ATP8B4: variants seen among roughly 807,000 people sequenced by gnomAD.
The protein encoded by ATP8B4 is ATPase phospholipid transporting 8B4 (putative).
ATP8B4 carries 133 observed loss-of-function variants against 145.6 expected under a neutral mutation model. The observed-to-expected ratio is 0.91, with a 90% confidence interval of 0.79 to 1.05. The LOEUF (loss-of-function observed/expected upper bound fraction) is 1.05. Ranked by LOEUF, ATP8B4 falls within the 50% of genes least tolerant of loss-of-function variation. ATP8B4 has a pLI of 0.00. For missense variants in ATP8B4, 1,458 were observed against 1,425.2 expected (o/e 1.02, Z -0.37); for synonymous variants, 507 against 492.9 (o/e 1.03, Z -0.38).
At chr15:50,158,953 G>A (rs910564262) in intron 1 of ATP8B4, among the ~76,000 whole-genome samples, 3 of 152,182 alleles carry the variant, frequency 2.0e-5, no homozygotes, top group East Asian at 3.9e-4. Flanking sequence ...AAGTACCCAA[G>A]GACACAAACA....
At chr15:50,015,708 G>A (rs1014004922) in intron 6 of ATP8B4, among the ~76,000 whole-genome samples, 2 of 152,196 alleles carry the variant, frequency 1.3e-5, no homozygotes, top group Non-Finnish European at 2.9e-5. Flanking sequence ...TCAGAGCTGC[G>A]CTAGAGGAAA....
At chr15:49,995,200 A>C (rs988557420) in intron 9 of ATP8B4, among the ~76,000 whole-genome samples, 1 of 152,182 alleles carries the variant, frequency 6.6e-6, no homozygotes, top group African/African-American at 2.4e-5. Context: ...AACACTAAAA[A>C]TCATGAATTT....
chr15:49,919,509 C>T (rs1222772359), intron 18 of ATP8B4, among the ~76,000 whole-genome samples: 1 of 152,138 alleles, frequency 6.6e-6, no homozygotes, highest in African/African-American at 2.4e-5. Flanking sequence ...GCTCCGCCTC[C>T]CGGGTTCACA....
chr15:49,955,346 A>G (rs2043464768), intron 14 of ATP8B4, among the ~76,000 whole-genome samples: 1 of 152,208 alleles, frequency 6.6e-6, no homozygotes, highest in Non-Finnish European at 1.5e-5. Context: ...AAGAAAACAA[A>G]CAAACAAAAA....
chr15:50,046,990 A>T (rs2051773896), intron 4 of ATP8B4, among the ~76,000 whole-genome samples: 1 of 152,230 alleles, frequency 6.6e-6, no homozygotes, highest in African/African-American at 2.4e-5. Context: ...CAACCTACTC[A>T]GTCTTAGTCA....
intron 1 of ATP8B4, among the ~76,000 whole-genome samples, chr15:50,172,340 C>A (rs1248351733): frequency 6.6e-6 from 1 of 152,272 alleles, no homozygotes; most frequent in East Asian, 1.9e-4. Context: ...GACGGGGTTT[C>A]CCCCTCTTGG....
At chr15:50,062,285 T>A (rs571579259) in intron 3 of ATP8B4, among the ~76,000 whole-genome samples, 6 of 152,200 alleles carry the variant, frequency 3.9e-5, no homozygotes, top group African/African-American at 1.2e-4. Context: ...TCTAGTGAGA[T>A]CTTGTCATTT....
intron 3 of ATP8B4, among the ~76,000 whole-genome samples, chr15:50,060,943 T>G (rs566989911): frequency 3.3e-5 from 5 of 152,232 alleles, no homozygotes; most frequent in African/African-American, 1.2e-4. Context: ...TGCATGCAGC[T>G]TTTTCAAAAG....
At position 50,092,677 on chromosome 15, in the gene ATP8B4, G is replaced by C. The variant is rs538736457; in HGVS notation, c.28+14262C>G. ...AAAATATGAAAACTGCATATGGAAA[G>C]ATGAAAAGTTTAAAATTTCAGAAAA... On this transcript the variant is annotated intron_variant, in intron 2 of 27. Coordinates refer to ENST00000284509, the MANE Select transcript of ATP8B4 (RefSeq NM_024837.4). Among the ~76,000 whole-genome samples, 11 of 152,116 alleles carry C rather than the reference G, an allele frequency of 7.2e-5. No individual in the cohort carries two copies. In the South Asian group the frequency reaches 2.3e-3, roughly 31 times the overall value.
At chr15:49,926,899 G>C (rs1255714495) in intron 16 of ATP8B4, among the ~76,000 whole-genome samples, 1 of 152,160 alleles carries the variant, frequency 6.6e-6, no homozygotes, top group Non-Finnish European at 1.5e-5. Flanking sequence ...ACAGAGAAAT[G>C]CCTGTCACAT....
intron 3 of ATP8B4, among the ~76,000 whole-genome samples, chr15:50,064,860 G>C (rs72734870): frequency 0.13 from 16,354 of 121,708 alleles, 1,151 homozygotes; most frequent in Admixed American, 0.24. Flanking sequence ...AAAAGGGAGA[G>C]GGAGGAGGTG....
intron 20 of ATP8B4, among the ~76,000 whole-genome samples, chr15:49,905,219 A>G (rs185482077): frequency 1.3e-4 from 20 of 152,330 alleles, no homozygotes; most frequent in African/African-American, 3.8e-4. Context: ...TTATATATCC[A>G]TGTTTATGAA....
intron 3 of ATP8B4, among the ~76,000 whole-genome samples, chr15:50,048,853 G>T (rs181982226): frequency 1.4e-4 from 22 of 152,190 alleles, no homozygotes; most frequent in African/African-American, 5.1e-4. Context: ...ACCTTTCTGG[G>T]GTGGCAGCAA....
chr15:50,114,981 A>G (rs1339000196), intron 1 of ATP8B4, among the ~76,000 whole-genome samples: 2 of 152,200 alleles, frequency 1.3e-5, no homozygotes, highest in African/African-American at 4.8e-5. Flanking sequence ...CCAGTCTTTC[A>G]AAAGCCCACA....
At chr15:50,167,237 AT>A (rs1157439922) in intron 1 of ATP8B4, among the ~76,000 whole-genome samples, 1 of 152,232 alleles carries the variant, frequency 6.6e-6, no homozygotes, top group Admixed American at 6.5e-5. Flanking sequence ...ACAAATCACC[AT>A]AAACTTGATG....
chr15:49,923,531 C>T lies in ATP8B4; in HGVS notation c.1643-37G>A, dbSNP rs375735697. On this transcript the variant is annotated intron_variant, in intron 16 of 27. Transcript: ENST00000284509. ...AAAGTTTGGAAAAGCAGAATATAAT[C>T]AACGTCATACATCAAAATTAGATTC... 3 of 1,357,308 alleles carry T rather than the reference C, an allele frequency of 2.2e-6. No homozygotes were observed. In the South Asian group the frequency reaches 3.7e-5, roughly 17 times the overall value. 84.1% of individuals were successfully genotyped at this position (1,357,308 alleles called of 1,614,324 possible). A position where few individuals can be genotyped will look rare whatever the true frequency, so the allele number is the denominator to read the frequency against.
intron 19 of ATP8B4, 99 bp from the exon 20 acceptor site, chr15:49,917,138 C>A (rs749928124): frequency 1.8e-6 from 2 of 1,119,200 alleles, no homozygotes; most frequent in Non-Finnish European, 2.6e-6. Context: ...TTTCTTAAAG[C>A]CTACAGGGGG....
intron 7 of ATP8B4, among the ~76,000 whole-genome samples, 186 bp downstream of exon 7, chr15:50,010,659 C>T (rs899239219): frequency 6.6e-6 from 1 of 151,886 alleles, no homozygotes; most frequent in African/African-American, 2.4e-5. Flanking sequence ...ATGTGAGTTG[C>T]CAAGTTATTG....
chr15:50,135,440 G>A (rs945567979), intron 1 of ATP8B4, among the ~76,000 whole-genome samples: 2 of 152,044 alleles, frequency 1.3e-5, no homozygotes, highest in Admixed American at 1.3e-4. Context: ...CATTATCATT[G>A]CGGCTTGCGG....
Sources: gnomAD v4.1 joint callset for allele counts (sites outside exome capture counted in the v4.1 genomes callset) on GRCh38, gnomAD v4.1.1 for gene constraint, MANE v1.5 for transcripts, NCBI Gene and HGNC (gene_info 2026-07-23, HGNC 2026-07-21) for gene names.